EDNRB: variants seen among roughly 807,000 people sequenced by gnomAD.
The protein encoded by EDNRB is endothelin receptor type B.
A neutral mutation model predicts 46.4 loss-of-function variants in EDNRB; 18 were observed. The ratio of observed to expected loss-of-function variants is 0.39; its 90% CI spans 0.27 to 0.57. EDNRB has a LOEUF of 0.57. Ranked by LOEUF, EDNRB falls within the 20% of genes least tolerant of loss-of-function variation. The pLI is 0.61. For synonymous variants in EDNRB, 213 were observed against 204.9 expected (o/e 1.04, Z -0.34); for missense variants, 434 against 537.5 (o/e 0.81, Z 1.90).
At chr13:77,957,138 C>T (rs953843539) in intron 1 of EDNRB, among the ~76,000 whole-genome samples, 1 of 152,094 alleles carries the variant, frequency 6.6e-6, no homozygotes, top group Non-Finnish European at 1.5e-5. Context: ...TATGTCACTG[C>T]AGAATAAATT....
chr13:77,933,597 G>A (rs1880466381), intron 1 of EDNRB, among the ~76,000 whole-genome samples: 1 of 152,186 alleles, frequency 6.6e-6, no homozygotes, highest in South Asian at 2.1e-4. Context: ...GGTCACAGGG[G>A]ATATGATAGC....
chr13:77,917,134 T>C (rs12720167), intron 1 of EDNRB, among the ~76,000 whole-genome samples: 25,948 of 152,164 alleles, frequency 0.17, 2,696 homozygotes, highest in East Asian at 0.54. Flanking sequence ...CTTGGTCTTG[T>C]CCATGAAATA....
At chr13:77,915,478 C>T (rs1879764665) in intron 1 of EDNRB, among the ~76,000 whole-genome samples, 1 of 152,142 alleles carries the variant, frequency 6.6e-6, no homozygotes, top group Non-Finnish European at 1.5e-5. Flanking sequence ...TGGGGTGGAC[C>T]ACAGGGTCTT....
At chr13:77,974,868 A>G (rs1464036575) in intron 1 of EDNRB, among the ~76,000 whole-genome samples, 1 of 152,086 alleles carries the variant, frequency 6.6e-6, no homozygotes, top group Non-Finnish European at 1.5e-5. Flanking sequence ...CTGGTGTCAT[A>G]GTCTCCCTTA....
Position 77,896,684 on chromosome 13 carries a change from G to A in EDNRB, c.*1516C>T. The A allele has an allele frequency of 6.9e-7, 1 of 1,452,662 alleles. No individual in the cohort carries two copies. The highest frequency in any genetic ancestry group is 9.0e-7 in the Non-Finnish European group (1 of 1,108,764). 90.0% of individuals were successfully genotyped at this position (1,452,662 alleles called of 1,614,324 possible). A position where few individuals can be genotyped will look rare whatever the true frequency, so the allele number is the denominator to read the frequency against. On this transcript the variant is annotated 3_prime_UTR_variant, in exon 7 of 7. Coordinates refer to ENST00000646607, the MANE Select transcript of EDNRB (RefSeq NM_001122659.3). ...CTGTGTTTTGCTGGAACAAAATCAG[G>A]ACCTTTTGCATTGATGTGACGAGGC...
At chr13:77,905,350 A>G (rs1299927762) in intron 1 of EDNRB, among the ~76,000 whole-genome samples, 1 of 151,986 alleles carries the variant, frequency 6.6e-6, no homozygotes, top group Non-Finnish European at 1.5e-5. Flanking sequence ...TTAAAGTCCA[A>G]TTCATATATA....
intron 1 of EDNRB, among the ~76,000 whole-genome samples, chr13:77,946,254 G>A (rs772263423): frequency 6.6e-6 from 1 of 152,100 alleles, no homozygotes; most frequent in Admixed American, 6.6e-5. Context: ...CTATAGTATA[G>A]AATCCCATTC....
chr13:77,936,515 C>T (rs1465701994), intron 1 of EDNRB, among the ~76,000 whole-genome samples: 1 of 152,130 alleles, frequency 6.6e-6, no homozygotes, highest in East Asian at 1.9e-4. Context: ...GACTTATCTT[C>T]CACTGTGAGA....
At chr13:77,955,599 T>C (rs547142936) in intron 1 of EDNRB, among the ~76,000 whole-genome samples, 28 of 152,324 alleles carry the variant, frequency 1.8e-4, no homozygotes, top group African/African-American at 6.5e-4. Context: ...CTAAGAGTTT[T>C]ATGGCTTCAT....
At chr13:77,966,218 T>A (rs1881578090) in intron 1 of EDNRB, among the ~76,000 whole-genome samples, 1 of 152,098 alleles carries the variant, frequency 6.6e-6, no homozygotes, top group Non-Finnish European at 1.5e-5. Flanking sequence ...TAAGACTCAG[T>A]AATAATCCAC....
chr13:77,962,795 T>G (rs976975304), intron 1 of EDNRB, among the ~76,000 whole-genome samples: 1 of 152,090 alleles, frequency 6.6e-6, no homozygotes, highest in Non-Finnish European at 1.5e-5. Flanking sequence ...GAGAAAGAAA[T>G]AAAGGGTATT....
chr13:77,899,437 T>G (rs1395976932), intron 6 of EDNRB: 1 of 178,826 alleles, frequency 5.6e-6, no homozygotes, highest in African/African-American at 2.4e-5. Context: ...TTGTTTACCT[T>G]GCTATTCTCA....
chr13:77,969,437 A>G (rs1372336133), intron 1 of EDNRB, among the ~76,000 whole-genome samples: 1 of 152,138 alleles, frequency 6.6e-6, no homozygotes, highest in Non-Finnish European at 1.5e-5. Flanking sequence ...AATTATGTCT[A>G]TTTACTTGTC....
At chr13:77,913,940 G>A (rs146819871) in intron 1 of EDNRB, among the ~76,000 whole-genome samples, 5 of 152,264 alleles carry the variant, frequency 3.3e-5, no homozygotes, top group South Asian at 2.1e-4. Flanking sequence ...TCATCCTAAC[G>A]TCAGGTAGTC....
rs1878669949 is a variant in EDNRB at position 77,897,114 on chromosome 13, G to T, written c.*1086C>A. On this transcript the variant is annotated 3_prime_UTR_variant, in exon 7 of 7. Transcript: ENST00000646607. ...TTTAACCACAGCATGGGTGAGAGAG[G>T]GTGCTACCTGCCCCTTTGTCATGTG... The T allele has an allele frequency of 1.0e-6, 1 of 985,542 alleles. No homozygotes were observed. The highest frequency in any genetic ancestry group is 1.2e-6 in the Non-Finnish European group (1 of 830,240). The allele number at this position is 985,542 out of a possible 1,614,324, so 61.0% of individuals were successfully genotyped here.
intron 4 of EDNRB, among the ~76,000 whole-genome samples, 163 bp downstream of exon 4, chr13:77,900,895 A>T (rs1878935999): frequency 6.6e-6 from 1 of 151,944 alleles, no homozygotes; most frequent in South Asian, 2.1e-4. Flanking sequence ...CTCCAAATAA[A>T]TAATATAAAA....
rs534969742 is a variant in EDNRB, at chr13:77,969,625, C to G, written c.-52+5722G>C. Among the ~76,000 whole-genome samples the G allele has an allele frequency of 9.0e-4, 137 of 152,200 alleles. 7 individuals carry two copies. The highest frequency in any genetic ancestry group is 1.0e-3 in the Admixed American group (16 of 15,288). ...TGTCCACTACAGGCTGATCCGAGGC[C>G]CCTGTTCACAAGGAAAGTCATGAGG... On this transcript the variant is annotated intron_variant, in intron 1 of 7. Transcript: ENST00000646948.
At chr13:77,970,894 G>A (rs1417201382) in intron 1 of EDNRB, among the ~76,000 whole-genome samples, 2 of 152,186 alleles carry the variant, frequency 1.3e-5, no homozygotes, top group Non-Finnish European at 2.9e-5. Flanking sequence ...AGGAAGGTCA[G>A]TTGAAGTCCT....
chr13:77,919,462 C>T (rs766521752), upstream of EDNRB: 1 of 1,612,760 alleles, frequency 6.2e-7, no homozygotes, highest in East Asian at 2.2e-5. Flanking sequence ...AGGCGGAACC[C>T]AGCTGGGTTC....
Sources: allele counts gnomAD v4.1 joint callset (sites outside exome capture counted in the v4.1 genomes callset), GRCh38; gene constraint gnomAD v4.1.1; transcripts MANE v1.5; gene names NCBI Gene and HGNC (gene_info 2026-07-23, HGNC 2026-07-21).